The following PTPRM variants were observed in gnomAD, a reference collection of about 807,000 sequenced individuals.
PTPRM encodes protein tyrosine phosphatase receptor type M, also known as receptor-type tyrosine-protein phosphatase mu.
In PTPRM, 47 loss-of-function variants were observed where a neutral mutation model predicts 186.7. The ratio of observed to expected loss-of-function variants is 0.25; its 90% CI spans 0.20 to 0.32. The LOEUF is 0.32. PTPRM is among the 10% of genes least tolerant of loss of function. PTPRM has a pLI of 1.00. For synonymous variants in PTPRM, 668 were observed against 674.9 expected (o/e 0.99, Z 0.16); for missense variants, 1,494 against 1,865.0 (o/e 0.80, Z 3.66).
chr18:7,836,767 C>A (rs943232417), intron 2 of PTPRM, among the ~76,000 whole-genome samples: 2 of 152,140 alleles, frequency 1.3e-5, no homozygotes, highest in Non-Finnish European at 2.9e-5. Context: ...ACATATTCTT[C>A]TAGGATAAAA....
At chr18:8,365,628 C>G (rs1227955707) in intron 23 of PTPRM, 1 of 152,256 alleles carries the variant, frequency 6.6e-6, no homozygotes, top group Non-Finnish European at 1.5e-5. Flanking sequence ...ATCTCTCTCT[C>G]CCTCTCTCCC....
chr18:8,303,034 A>T (rs2095177408), intron 20 of PTPRM, among the ~76,000 whole-genome samples: 1 of 152,170 alleles, frequency 6.6e-6, no homozygotes, highest in Non-Finnish European at 1.5e-5. Context: ...TTCATGGGTC[A>T]TATGGGTGGT....
intron 7 of PTPRM, among the ~76,000 whole-genome samples, chr18:7,984,824 C>CGT (rs2082774936): frequency 7.6e-6 from 1 of 131,592 alleles, no homozygotes; most frequent in Non-Finnish European, 1.6e-5. Flanking sequence ...ATTATATACA[C>CGT]ATATATAAAT....
At chr18:8,323,221 T>C (rs1211435455) in intron 22 of PTPRM, among the ~76,000 whole-genome samples, 1 of 152,164 alleles carries the variant, frequency 6.6e-6, no homozygotes, top group African/African-American at 2.4e-5. Flanking sequence ...GCTGTGAGTG[T>C]GTTCTAGACA....
intron 31 of PTPRM, among the ~76,000 whole-genome samples, chr18:8,389,139 A>G (rs370631608): frequency 9.8e-5 from 15 of 152,312 alleles, no homozygotes; most frequent in Admixed American, 3.9e-4. Context: ...TTTGTATTAG[A>G]TATATCAGAT....
intron 14 of PTPRM, among the ~76,000 whole-genome samples, chr18:8,186,549 G>A (rs572972483): frequency 6.4e-4 from 97 of 152,176 alleles, no homozygotes; most frequent in Middle Eastern, 6.8e-3. Context: ...CTTCTGCTTT[G>A]TTTCTGCTTT....
At chr18:7,994,990 G>T (rs1428892248) in intron 7 of PTPRM, among the ~76,000 whole-genome samples, 1 of 151,852 alleles carries the variant, frequency 6.6e-6, no homozygotes, top group African/African-American at 2.4e-5. Context: ...TAAATGAAAT[G>T]GAGACAAAAA....
intron 20 of PTPRM, among the ~76,000 whole-genome samples, chr18:8,311,009 T>C (rs552559841): frequency 1.3e-5 from 2 of 151,836 alleles, no homozygotes; most frequent in African/African-American, 4.9e-5. Context: ...GACAAGCCTG[T>C]ATTAAAACTG....
chr18:7,608,522 A>T (rs1210909396), intron 1 of PTPRM, among the ~76,000 whole-genome samples: 2 of 152,092 alleles, frequency 1.3e-5, no homozygotes, highest in Non-Finnish European at 2.9e-5. Context: ...TGAGCTTTTG[A>T]GGTCTCTAAA....
intron 20 of PTPRM, among the ~76,000 whole-genome samples, chr18:8,309,822 T>A (rs1486556797): frequency 6.6e-6 from 1 of 152,154 alleles, no homozygotes; most frequent in Non-Finnish European, 1.5e-5. Context: ...GCATATGCCA[T>A]CACATCCAGC....
intron 14 of PTPRM, among the ~76,000 whole-genome samples, chr18:8,192,896 T>A (rs1166177056): frequency 1.3e-5 from 2 of 152,176 alleles, no homozygotes; most frequent in Non-Finnish European, 1.5e-5. Context: ...AATCTAGTAG[T>A]CAACACCTTG....
At chr18:8,149,888 AT>A (rs1355171723) in intron 14 of PTPRM, among the ~76,000 whole-genome samples, 4 of 152,142 alleles carry the variant, frequency 2.6e-5, no homozygotes, top group Non-Finnish European at 4.4e-5. Context: ...AATGGATTTT[AT>A]TTCTCCTTCA....
intron 14 of PTPRM, among the ~76,000 whole-genome samples, chr18:8,240,618 GGAGAGAGA>G (rs372227037): frequency 1.2e-3 from 42 of 34,818 alleles, no homozygotes; most frequent in African/African-American, 3.9e-3. Flanking sequence ...AGAGAGGGAG[GGAGAGAGA>G]GAGAGAGAGA....
chr18:8,400,585 C>A (rs998024716), intron 32 of PTPRM, among the ~76,000 whole-genome samples: 2 of 152,204 alleles, frequency 1.3e-5, no homozygotes, highest in African/African-American at 4.8e-5. Context: ...TGCCATGCGG[C>A]GGTGTTCACA....
intron 3 of PTPRM, among the ~76,000 whole-genome samples, chr18:7,899,476 A>G (rs1040718137): frequency 2.6e-5 from 4 of 152,236 alleles, no homozygotes; most frequent in Non-Finnish European, 4.4e-5. Flanking sequence ...AGTCAAAAAA[A>G]CTAAGTTCTG....
At chr18:8,293,971 G>A (rs894396753) in intron 19 of PTPRM, among the ~76,000 whole-genome samples, 2 of 152,146 alleles carry the variant, frequency 1.3e-5, no homozygotes, top group African/African-American at 2.4e-5. Flanking sequence ...AAATACCCAA[G>A]GCTAGGCACA....
At chr18:7,840,656 A>T (rs999451145) in intron 2 of PTPRM, among the ~76,000 whole-genome samples, 6 of 152,198 alleles carry the variant, frequency 3.9e-5, no homozygotes, top group Admixed American at 1.3e-4. Context: ...TTGACAAATG[A>T]TCAGAAATGT....
intron 32 of PTPRM, among the ~76,000 whole-genome samples, chr18:8,396,322 G>T (rs1195598624): frequency 6.6e-6 from 1 of 152,242 alleles, no homozygotes; most frequent in Admixed American, 6.5e-5. Context: ...GGACAGGTAT[G>T]TAGCCTCGAG....
rs79779795 is a variant in PTPRM, at chr18:8,387,771, C to T, written c.4208+536C>T. On this transcript the variant is annotated intron_variant, in intron 31 of 32. Transcript: ENST00000580170. ...GTGCGTGTGTGCGTGTGTGTGCGCG[C>T]GCGTGCATGCTTTTTGGGAGAATGT... Among the ~76,000 whole-genome samples the T allele has an allele frequency of 9.5e-4, 116 of 122,472 alleles. No individual in the cohort carries two copies. The East Asian group carries it at 0.015, about 15-fold the overall frequency. The allele number at this position is 122,472 out of a possible 152,430, so 80.3% of individuals were successfully genotyped here. A position where few individuals can be genotyped will look rare whatever the true frequency, so the allele number is the denominator to read the frequency against.
Sources: gnomAD v4.1 joint callset for allele counts (sites outside exome capture counted in the v4.1 genomes callset) on GRCh38, gnomAD v4.1.1 for gene constraint, MANE v1.5 for transcripts, NCBI Gene and HGNC (gene_info 2026-07-23, HGNC 2026-07-21) for gene names.